POLA2: variants seen among roughly 807,000 people sequenced by gnomAD.
The protein encoded by POLA2 is DNA polymerase alpha 2, accessory subunit, also known as DNA polymerase alpha subunit B.
Under a neutral mutation model 82.8 loss-of-function variants are expected in POLA2, and 47 were observed. The ratio of observed to expected loss-of-function variants is 0.57; its 90% CI spans 0.45 to 0.72. The LOEUF is 0.72. Among genes scored for constraint, POLA2 ranks in the 30% least tolerant of loss-of-function variants. POLA2 has a pLI of 0.00. For missense variants in POLA2, 634 were observed against 728.1 expected, an observed-to-expected ratio of 0.87 and a Z score of 1.49; for synonymous variants, 287 against 286.8, an observed-to-expected ratio of 1.00 and a Z score of -0.01.
intron 3 of POLA2, 146 bp from the exon 4 acceptor site, chr11:65,268,526 T>C (rs1308884621): frequency 4.7e-5 from 25 of 527,754 alleles, no homozygotes; most frequent in Middle Eastern, 3.8e-4. Context: ...TTTTTTTTAG[T>C]AGAGACGGGG....
intron 4 of POLA2, among the ~76,000 whole-genome samples, 187 bp from the exon 5 acceptor site, chr11:65,275,705 G>A (rs547007223): frequency 6.6e-6 from 1 of 152,242 alleles, no homozygotes; most frequent in East Asian, 1.9e-4. Context: ...CCTGAATGTT[G>A]GTTACAGTTG....
downstream of POLA2, among the ~76,000 whole-genome samples, chr11:65,303,548 G>A (rs890150844): frequency 4.6e-5 from 7 of 151,984 alleles, no homozygotes; most frequent in African/African-American, 1.4e-4. Flanking sequence ...TAGAGTGGTG[G>A]GAATAGACAT....
chr11:65,285,127 C>A (rs1949682486), intron 10 of POLA2, among the ~76,000 whole-genome samples: 1 of 151,860 alleles, frequency 6.6e-6, no homozygotes, highest in African/African-American at 2.4e-5. Flanking sequence ...AAAATTAGGC[C>A]AGGCGCAGTG....
At chr11:65,274,374 A>G (rs1565473679) in intron 4 of POLA2, among the ~76,000 whole-genome samples, 1 of 143,680 alleles carries the variant, frequency 7.0e-6, no homozygotes, top group East Asian at 2.0e-4. Context: ...TCCGTCTCGG[A>G]AAAAAAAAAA....
At chr11:65,268,891 A>AT (rs1281964836) in intron 4 of POLA2, among the ~76,000 whole-genome samples, 162 bp downstream of exon 4, 1 of 152,242 alleles carries the variant, frequency 6.6e-6, no homozygotes, top group Non-Finnish European at 1.5e-5. Flanking sequence ...AATGTTTTAC[A>AT]TAATGGCAGT....
At chr11:65,299,830 T>A (rs1949849734), downstream of POLA2, among the ~76,000 whole-genome samples, 1 of 152,076 alleles carries the variant, frequency 6.6e-6, no homozygotes, top group Non-Finnish European at 1.5e-5. Flanking sequence ...TAGCTGAGAT[T>A]ACAGGCGCCT....
At chr11:65,294,120 C>G (rs2137589189) in intron 13 of POLA2, 33 bp from the exon 14 acceptor site, 13 of 1,582,764 alleles carry the variant, frequency 8.2e-6, no homozygotes, top group Non-Finnish European at 9.6e-6. Flanking sequence ...ACTCACTTTT[C>G]TCACTCTTCT....
chr11:65,288,289 C>T (rs762750941), intron 11 of POLA2, among the ~76,000 whole-genome samples: 4 of 152,108 alleles, frequency 2.6e-5, no homozygotes, highest in Non-Finnish European at 4.4e-5. Context: ...GCCTGGGCAA[C>T]AGAGTCAGAC....
intron 4 of POLA2, among the ~76,000 whole-genome samples, chr11:65,270,489 T>C (rs1199252006): frequency 1.3e-5 from 2 of 152,238 alleles, no homozygotes; most frequent in Non-Finnish European, 1.5e-5. Context: ...TGTTAGAGTT[T>C]CTTAAAATTG....
chr11:65,271,854 A>G (rs1949525099), intron 4 of POLA2, among the ~76,000 whole-genome samples: 2 of 152,078 alleles, frequency 1.3e-5, no homozygotes, highest in Non-Finnish European at 2.9e-5. Flanking sequence ...AAAAAAAAAA[A>G]AAAAGTTTGT....
At chr11:65,262,543 G>C (rs1949410798) in intron 1 of POLA2, among the ~76,000 whole-genome samples, 172 bp downstream of exon 1, 1 of 152,046 alleles carries the variant, frequency 6.6e-6, no homozygotes, top group African/African-American at 2.4e-5. Flanking sequence ...AGGATGTGGG[G>C]ACTTTGAAAT....
At chr11:65,270,475 T>C (rs1949510388) in intron 4 of POLA2, among the ~76,000 whole-genome samples, 1 of 152,166 alleles carries the variant, frequency 6.6e-6, no homozygotes, top group South Asian at 2.1e-4. Flanking sequence ...AATAATTAGG[T>C]GTTTGTTAGA....
At chr11:65,290,312 G>A (rs905617335) in intron 13 of POLA2, among the ~76,000 whole-genome samples, 3 of 148,762 alleles carry the variant, frequency 2.0e-5, no homozygotes, top group South Asian at 2.2e-4. Flanking sequence ...CAAAGCAGGC[G>A]GATCACCTGA....
At chr11:65,284,335 C>T (rs1216096197) in intron 10 of POLA2, among the ~76,000 whole-genome samples, 1 of 151,836 alleles carries the variant, frequency 6.6e-6, no homozygotes, top group Non-Finnish European at 1.5e-5. Flanking sequence ...AAAAAATCAG[C>T]TTGGTGTGGT....
intron 14 of POLA2, 33 bp downstream of exon 14, chr11:65,294,294 C>T (rs761751358): frequency 1.3e-6 from 2 of 1,537,510 alleles, no homozygotes; most frequent in East Asian, 2.2e-5. Context: ...CAGCAGGCAG[C>T]CAGAATCCAG....
At chr11:65,293,608 C>CA (rs35492423) in intron 13 of POLA2, among the ~76,000 whole-genome samples, 1,188 of 73,336 alleles carry the variant, frequency 0.016, 5 homozygotes, top group Non-Finnish European at 0.022. Flanking sequence ...GGCTCTGTCT[C>CA]AAAAAAAAAA....
intron 4 of POLA2, among the ~76,000 whole-genome samples, chr11:65,275,575 CAT>C (rs1949568417): frequency 6.6e-6 from 1 of 152,120 alleles, no homozygotes; most frequent in Non-Finnish European, 1.5e-5. Flanking sequence ...TGTTTGAAAA[CAT>C]AGAGGTAGGG....
chr11:65,270,255 G>T (rs1279147721), intron 4 of POLA2, among the ~76,000 whole-genome samples: 1 of 152,042 alleles, frequency 6.6e-6, no homozygotes, highest in Non-Finnish European at 1.5e-5. Context: ...AGTGGCTCAT[G>T]CCTGTAATCC....
chr11:65,295,911 A>G lies in POLA2; in HGVS notation c.1568A>G (p.Glu523Gly). ...CAAGAAGACATGGCCATTGACTATG[A>G]GTCGTTCTATGTTTACGCACAGCTG... ...PPQEDMAIDY[E>G]SFYVYAQLPV... The change falls in exon 17 of 18, where the codon GAG becomes GGG. Residue 523 changes from glutamate (E) to glycine (G), a missense_variant. By Grantham distance (98) the Glu-to-Gly change is moderately conservative. Transcript: ENST00000265465. 6.2e-7 allele frequency: 1 copy of G among 1,614,066 alleles called. No individual in the cohort carries two copies. Among genetic ancestry groups the G allele is most frequent in the Non-Finnish European group, 8.5e-7 (1 of 1,179,930 alleles).
Sources: allele counts gnomAD v4.1 joint callset (sites outside exome capture counted in the v4.1 genomes callset), GRCh38; gene constraint gnomAD v4.1.1; transcripts MANE v1.5; gene names NCBI Gene and HGNC (gene_info 2026-07-23, HGNC 2026-07-21).